The following CREB3L3 variants were observed in gnomAD, a reference collection of about 807,000 sequenced individuals.
The protein encoded by CREB3L3 is cyclic AMP-responsive element-binding protein 3-like protein 3.
CREB3L3 carries 40 observed loss-of-function variants against 44.6 expected under a neutral mutation model. The observed-to-expected ratio is 0.90, with a 90% CI of 0.70 to 1.17. The LOEUF is 1.17. CREB3L3 is among the 50% of genes most tolerant of loss of function. CREB3L3 has a pLI of 0.00. For synonymous variants in CREB3L3, 273 were observed against 256.3 expected (o/e 1.06, Z -0.62); for missense variants, 578 against 595.8 (o/e 0.97, Z 0.31).
intron 4 of CREB3L3, among the ~76,000 whole-genome samples, chr19:4,161,070 C>T (rs185740813): frequency 1.9e-4 from 29 of 152,288 alleles, no homozygotes; most frequent in Middle Eastern, 3.4e-3. Context: ...CGCCACCACA[C>T]CTGGCTGATT....
At position 4,172,188 on chromosome 19, in the gene CREB3L3, G is replaced by A; in HGVS notation, c.*219G>A. Reference sequence around the variant, plus strand: ...AAGGCAAAGAGGGCCACAGGACCCGGGAAATACACACAGAGCCAGGAGCAG... The same window carrying A: ...AAGGCAAAGAGGGCCACAGGACCCGAGAAATACACACAGAGCCAGGAGCAG... On this transcript the variant is annotated 3_prime_UTR_variant, in exon 10 of 10. Transcript: ENST00000078445. 1.6e-6 allele frequency: 1 copy of A among 606,724 alleles called. No homozygotes were observed. Among genetic ancestry groups the A allele is most frequent in the South Asian group, 2.0e-5 (1 of 49,266 alleles). 37.6% of individuals were successfully genotyped at this position (606,724 alleles called of 1,614,324 possible).
chr19:4,172,027 C>T lies in CREB3L3; in HGVS notation c.*58C>T. The T allele has an allele frequency of 6.8e-7, 1 of 1,479,158 alleles. No homozygotes were observed. The highest frequency in any genetic ancestry group is 9.0e-7 in the Non-Finnish European group (1 of 1,107,280). 91.6% of individuals were successfully genotyped at this position (1,479,158 alleles called of 1,614,324 possible). A position where few individuals can be genotyped will look rare whatever the true frequency, so the allele number is the denominator to read the frequency against. ...GCCCAGGGGTGCCTTGGGGATGCTG[C>T]ACTGGGCAGCTACCCACCTGGGGAT... On this transcript the variant is annotated 3_prime_UTR_variant, in exon 10 of 10. Coordinates refer to ENST00000078445, the MANE Select transcript of CREB3L3 (RefSeq NM_032607.3).
rs1480951192 is a variant in CREB3L3, at chr19:4,171,946, G to C, written c.1363G>C (p.Glu455Gln). Residue 455 changes from glutamate to glutamine, a missense_variant, in exon 10 of 10, where the codon GAG (glutamate) becomes CAG (glutamine). Physicochemically the swap from Glu to Gln is conservative, Grantham distance 29. Transcript: ENST00000078445. This position sits in a 1 kb window ranked among gnomAD's most constrained non-coding sequence, Gnocchi z 4.9. ...CACTGGCTCAGGACGTGCAGGGCTG[G>C]AGGCGGCGGGAGACGAGCTGTGAGC... ...PSTGSGRAGLEAAGDEL is the reference protein window; with the variant it reads ...PSTGSGRAGLQAAGDEL The C allele has an allele frequency of 6.9e-6, 11 of 1,604,318 alleles. No homozygotes were observed. The highest frequency in any genetic ancestry group is 9.3e-6 in the Non-Finnish European group (11 of 1,176,666).
At chr19:4,163,079 G>A (rs551897776) in intron 4 of CREB3L3, among the ~76,000 whole-genome samples, 4 of 152,146 alleles carry the variant, frequency 2.6e-5, no homozygotes, top group South Asian at 2.1e-4. Context: ...AGGCCGAGGC[G>A]GGCAGATCAC....
chr19:4,154,930 T>A lies in CREB3L3; in HGVS notation c.59T>A (p.Ile20Asn), dbSNP rs375481004. The A allele has an allele frequency of 5.6e-6, 9 of 1,613,740 alleles. No individual in the cohort carries two copies. In the African/African-American group the frequency reaches 1.2e-4, roughly 22 times the overall value. The change falls in exon 2 of 10, where the codon ATC becomes AAC. Residue 20 changes from isoleucine (I) to asparagine (N), a missense_variant. Coordinates refer to ENST00000078445, the MANE Select transcript of CREB3L3 (RefSeq NM_032607.3). ...TCTGCTGCCTGCTCCATGGACCCCA[T>A]CGACAGCTTTGAGCTCCTGGATCTC... ...MASAACSMDP[I>N]DSFELLDLLF...
At position 4,172,319 on chromosome 19, in the gene CREB3L3, A is replaced by G. The variant is rs955905383; in HGVS notation, c.*350A>G. The G allele has an allele frequency of 1.4e-5, 6 of 429,842 alleles. No homozygotes were observed. The highest frequency in any genetic ancestry group is 1.0e-4 in the African/African-American group (5 of 49,036). 26.6% of individuals were successfully genotyped at this position (429,842 alleles called of 1,614,324 possible). On this transcript the variant is annotated 3_prime_UTR_variant, in exon 10 of 10. Transcript: ENST00000078445. ...CACAGCCTGAAACAGACCCAGACAAACAGACAGACAGACACAGCCTGAAAC... is the reference window on the plus strand; with the variant it reads ...CACAGCCTGAAACAGACCCAGACAAGCAGACAGACAGACACAGCCTGAAAC...
At chr19:4,169,665 C>A (rs1268059377) in intron 6 of CREB3L3, among the ~76,000 whole-genome samples, 1 of 144,276 alleles carries the variant, frequency 6.9e-6, no homozygotes, top group East Asian at 2.1e-4. Flanking sequence ...GATCTTGACT[C>A]ACTGCAACCT....
chr19:4,171,473 G>T lies in CREB3L3; in HGVS notation c.1066G>T (p.Val356Leu). The change falls in exon 9 of 10, where the codon GTA becomes TTA. Residue 356 changes from valine to leucine, a missense_variant. Physicochemically the swap from Val to Leu is conservative, Grantham distance 32. Transcript: ENST00000078445. This position sits in a 1 kb window ranked among gnomAD's most constrained non-coding sequence, Gnocchi z 4.9. Reference protein sequence around the residue: ...KTESPGDFAPVRVFSRTLHND... With the variant: ...KTESPGDFAPLRVFSRTLHND... ...CGAGAGCCCTGGGGACTTTGCGCCT[G>T]TACGAGGTAGGGGATCCCCACCTTT... The T allele has an allele frequency of 6.2e-7, 1 of 1,614,054 alleles. No homozygotes were observed. The highest frequency in any genetic ancestry group is 8.5e-7 in the Non-Finnish European group (1 of 1,179,972).
rs2041632891 is a variant in CREB3L3 at position 4,159,653 on chromosome 19, G to C, written c.458-11G>C. 1 of 1,319,906 alleles carries C rather than the reference G, an allele frequency of 7.6e-7. No individual in the cohort carries two copies. The highest frequency in any genetic ancestry group is 1.4e-5 in the African/African-American group (1 of 69,224). The allele number at this position is 1,319,906 out of a possible 1,614,324, so 81.8% of individuals were successfully genotyped here. ...ACTCTCCCTGTCTCCGTCCCCACCT[G>C]CCCTGGTCAGAAATGTGGAGCCCAG... On this transcript the variant is annotated splice_polypyrimidine_tract_variant and intron_variant, in intron 3 of 9. Transcript: ENST00000078445.
At chr19:4,156,506 C>CTTTTTTTTT (rs1019504419) in intron 2 of CREB3L3, among the ~76,000 whole-genome samples, 2 of 121,734 alleles carry the variant, frequency 1.6e-5, no homozygotes, top group Non-Finnish European at 3.5e-5. Flanking sequence ...TTCTTTTTTT[C>CTTTTTTTTT]TTTTTTTTTT....
chr19:4,171,379 C>T lies in CREB3L3; in HGVS notation c.976-4C>T. 1.2e-6 allele frequency: 2 copies of T among 1,613,940 alleles called. No homozygotes were observed. The highest frequency in any genetic ancestry group is 2.2e-5 in the South Asian group (2 of 91,088). The stretch of plus-strand genomic sequence containing the variant: ...GGGGGTGACTCTGCCGCTGTCTCCA[C>T]CAGGTCCTGTTGCTGTCCTTTGCCC... On this transcript the variant is annotated splice_region_variant and splice_polypyrimidine_tract_variant and intron_variant, in intron 8 of 9. Transcript: ENST00000078445. The surrounding 1 kb of genome is among the most constrained non-coding windows in gnomAD (Gnocchi z 4.9).
chr19:4,156,954 A>G (rs2041589064), intron 2 of CREB3L3, 41 bp from the exon 3 acceptor site: 4 of 1,605,470 alleles, frequency 2.5e-6, no homozygotes, highest in Non-Finnish European at 3.4e-6. Flanking sequence ...AAAAAGAGTG[A>G]GCACTTCCTA....
At chr19:4,158,607 C>G (rs1267768466) in intron 3 of CREB3L3, among the ~76,000 whole-genome samples, 1 of 152,098 alleles carries the variant, frequency 6.6e-6, no homozygotes, top group African/African-American at 2.4e-5. Context: ...CGAGACCATC[C>G]TGGCCAACAT....
At chr19:4,167,411 AAAAGAAAGAAAAG>A (rs1356977820) in intron 5 of CREB3L3, among the ~76,000 whole-genome samples, 11 of 146,400 alleles carry the variant, frequency 7.5e-5, no homozygotes, top group Non-Finnish European at 1.4e-4. Context: ...GAAAGAAAGG[AAAAGAAAGAAAAG>A]AAAGAAAGAA....
chr19:4,163,744 C>T (rs552883890), intron 4 of CREB3L3, among the ~76,000 whole-genome samples: 2 of 151,626 alleles, frequency 1.3e-5, no homozygotes, highest in African/African-American at 4.8e-5. Flanking sequence ...AACTCCTGAC[C>T]TCAAGTGATC....
chr19:4,169,375 G>A (rs1296563102), intron 6 of CREB3L3, among the ~76,000 whole-genome samples: 3 of 151,888 alleles, frequency 2.0e-5, no homozygotes, highest in African/African-American at 7.2e-5. Flanking sequence ...AGCTACTCGG[G>A]AGGCTGAGGC....
Position 4,156,068 on chromosome 19 carries a change from C to T in CREB3L3, c.157-927C>T, listed in dbSNP as rs2041568725. Among the ~76,000 whole-genome samples the T allele has an allele frequency of 2.7e-5, 4 of 149,828 alleles. No individual in the cohort carries two copies. In the South Asian group the frequency reaches 8.5e-4, roughly 32 times the overall value. The stretch of plus-strand genomic sequence containing the variant: ...CCGGCCCTTTTTTCTCTTTCTTTCT[C>T]TCTCTCTCTCGTTTCTCTCTCTCTC... On this transcript the variant is annotated intron_variant, in intron 2 of 9. Transcript: ENST00000078445.
chr19:4,153,893 C>G, intron 1 of CREB3L3, 119 bp downstream of exon 1: 7 of 1,201,162 alleles, frequency 5.8e-6, no homozygotes, highest in Non-Finnish European at 8.5e-6. Context: ...AGACTGAGGC[C>G]CAGAGAAAGG....
Position 4,171,042 on chromosome 19 carries a change from A to T in CREB3L3, c.891-49A>T. On this transcript the variant is annotated intron_variant, in intron 7 of 9. Coordinates refer to ENST00000078445, the MANE Select transcript of CREB3L3 (RefSeq NM_032607.3). This position sits in a 1 kb window ranked among gnomAD's most constrained non-coding sequence, Gnocchi z 4.9. ...GGGACCCCGGAAATGGACGAGAAGC[A>T]GAACCGAGGCCCTTTAGGGCTCAGC... The T allele has an allele frequency of 6.8e-7, 1 of 1,466,068 alleles. No homozygotes were observed. The highest frequency in any genetic ancestry group is 9.6e-7 in the Non-Finnish European group (1 of 1,045,070). The allele number at this position is 1,466,068 out of a possible 1,614,324, so 90.8% of individuals were successfully genotyped here.
Sources: gnomAD v4.1 joint callset for allele counts (sites outside exome capture counted in the v4.1 genomes callset) on GRCh38, gnomAD v4.1.1 for gene constraint, Gnocchi (gnomAD v3.1) non-coding constraint, MANE v1.5 for transcripts, NCBI Gene and HGNC (gene_info 2026-07-23, HGNC 2026-07-21) for gene names.